The following ARB2A variants were observed in gnomAD, a reference collection of about 807,000 sequenced individuals.
ARB2A encodes cotranscriptional regulator ARB2A.
the ARB2A span, chr5:93,743,017 T>C: frequency 2.0e-5 from 3 of 152,220 alleles, no homozygotes; most frequent in African/African-American, 7.2e-5. Flanking sequence ...TCAAATCTTA[T>C]GTACTGGGAC....
chr5:93,975,142 G>A, the ARB2A span, among the ~76,000 whole-genome samples: 1 of 151,678 alleles, frequency 6.6e-6, no homozygotes, highest in Admixed American at 6.6e-5. Context: ...GTGAAACTCT[G>A]TCTCTACTAA....
chr5:94,042,557 G>A, the ARB2A span, among the ~76,000 whole-genome samples: 11 of 151,914 alleles, frequency 7.2e-5, no homozygotes, highest in African/African-American at 1.7e-4. Context: ...CACCCACCTC[G>A]GCCTCTCAAA....
At chr5:93,695,828 A>G in the ARB2A span, among the ~76,000 whole-genome samples, 16 of 152,232 alleles carry the variant, frequency 1.1e-4, no homozygotes, top group Non-Finnish European at 1.5e-4. Context: ...AATGTGGCAC[A>G]TATACACTAT....
chr5:93,713,239 A>G, the ARB2A span, among the ~76,000 whole-genome samples: 9 of 152,158 alleles, frequency 5.9e-5, no homozygotes, highest in African/African-American at 2.2e-4. Flanking sequence ...CATTGCACAG[A>G]TAAGGAAACA....
chr5:94,057,308 T>G, the ARB2A span, among the ~76,000 whole-genome samples: 1 of 152,214 alleles, frequency 6.6e-6, no homozygotes, highest in Non-Finnish European at 1.5e-5. Flanking sequence ...ATTATATGAT[T>G]GCACATTTCT....
At chr5:93,643,672 T>C in the ARB2A span, among the ~76,000 whole-genome samples, 7 of 152,018 alleles carry the variant, frequency 4.6e-5, no homozygotes, top group African/African-American at 1.5e-4. Context: ...TTTTGTATTT[T>C]TAGTAGAGAC....
the ARB2A span, among the ~76,000 whole-genome samples, chr5:93,912,875 G>A: frequency 4.0e-5 from 6 of 151,436 alleles, no homozygotes; most frequent in African/African-American, 1.5e-4. Flanking sequence ...GATCTTCTAT[G>A]CATTTATTTT....
At chr5:94,070,663 G>C in the ARB2A span, among the ~76,000 whole-genome samples, 2 of 151,650 alleles carry the variant, frequency 1.3e-5, no homozygotes, top group East Asian at 1.9e-4. Flanking sequence ...CCAAAGACTG[G>C]GAATGTTTAC....
the ARB2A span, among the ~76,000 whole-genome samples, chr5:93,680,953 C>T: frequency 6.6e-6 from 1 of 152,100 alleles, no homozygotes; most frequent in African/African-American, 2.4e-5. Flanking sequence ...CCAGTAATTT[C>T]AGTGGAACAC....
At chr5:93,805,787 A>T in the ARB2A span, 1 of 985,192 alleles carries the variant, frequency 1.0e-6, no homozygotes, top group Non-Finnish European at 1.2e-6. Flanking sequence ...GTTGTCGTTC[A>T]GTCCTATAAA....
At chr5:93,635,736 G>A in the ARB2A span, among the ~76,000 whole-genome samples, 1 of 152,142 alleles carries the variant, frequency 6.6e-6, no homozygotes, top group East Asian at 1.9e-4. Context: ...TACTGCGTCC[G>A]GCTAGTTTAT....
chr5:94,050,598 A>C, the ARB2A span: 2 of 361,378 alleles, frequency 5.5e-6, no homozygotes, highest in African/African-American at 2.5e-5. Context: ...AAAAAGGAAC[A>C]AAAAAAAAAA....
At chr5:93,936,944 T>G in the ARB2A span, among the ~76,000 whole-genome samples, 1 of 150,636 alleles carries the variant, frequency 6.6e-6, no homozygotes, top group Non-Finnish European at 1.5e-5. Flanking sequence ...ATAAAGGTTT[T>G]TTTTTTTTTT....
At chr5:93,636,636 C>A in the ARB2A span, among the ~76,000 whole-genome samples, 1 of 152,164 alleles carries the variant, frequency 6.6e-6, no homozygotes, top group African/African-American at 2.4e-5. Flanking sequence ...TGTTTATAAC[C>A]CACCTAGTCT....
At chr5:93,767,717 G>A in the ARB2A span, among the ~76,000 whole-genome samples, 8 of 151,984 alleles carry the variant, frequency 5.3e-5, no homozygotes, top group East Asian at 1.9e-4. Flanking sequence ...GAATTAGGCC[G>A]GGCACGTTGG....
chr5:93,935,375 G>A, the ARB2A span, among the ~76,000 whole-genome samples: 1 of 152,208 alleles, frequency 6.6e-6, no homozygotes, highest in Non-Finnish European at 1.5e-5. Context: ...TGGGCAAACA[G>A]AGTTGAAGGT....
the ARB2A span, among the ~76,000 whole-genome samples, chr5:93,929,784 A>T: frequency 3.3e-5 from 5 of 152,236 alleles, no homozygotes; most frequent in Non-Finnish European, 7.3e-5. Flanking sequence ...TAAATTCAAA[A>T]TTATTCTATT....
At chr5:93,705,215 C>T in the ARB2A span, among the ~76,000 whole-genome samples, 1 of 152,132 alleles carries the variant, frequency 6.6e-6, no homozygotes, top group Admixed American at 6.5e-5. Flanking sequence ...GGCTTAATTC[C>T]AAGCACAAAA....
At chr5:93,811,575 C>G in the ARB2A span, among the ~76,000 whole-genome samples, 3 of 152,070 alleles carry the variant, frequency 2.0e-5, no homozygotes, top group Non-Finnish European at 2.9e-5. Flanking sequence ...TAGTACAATA[C>G]ACTATTTATT....
Sources: allele counts gnomAD v4.1 joint callset (sites outside exome capture counted in the v4.1 genomes callset), GRCh38; gene constraint gnomAD v4.1.1; transcripts MANE v1.5; gene names NCBI Gene and HGNC (gene_info 2026-07-23, HGNC 2026-07-21).